PARVA: variants seen among roughly 807,000 people sequenced by gnomAD.
The protein encoded by PARVA is parvin alpha.
In PARVA, 25 loss-of-function variants were observed where a neutral mutation model predicts 52.6. The observed-to-expected ratio is 0.48, with a 90% CI of 0.35 to 0.66. The LOEUF (loss-of-function observed/expected upper bound fraction) is 0.66. Ranked by LOEUF, PARVA falls within the 30% of genes least tolerant of loss-of-function variation. The pLI is 0.01. For synonymous variants in PARVA, 185 were observed against 179.1 expected, an observed-to-expected ratio of 1.03 and a Z score of -0.26; for missense variants, 373 against 450.9, an observed-to-expected ratio of 0.83 and a Z score of 1.56.
chr11:12,495,355 C>A (rs1589979878), intron 4 of PARVA, among the ~76,000 whole-genome samples: 1 of 152,098 alleles, frequency 6.6e-6, no homozygotes, highest in East Asian at 1.9e-4. Context: ...TTAGATAAAC[C>A]ACAGTTACTT....
intron 1 of PARVA, among the ~76,000 whole-genome samples, chr11:12,428,535 C>T (rs1430981238): frequency 6.6e-6 from 1 of 152,200 alleles, no homozygotes; most frequent in East Asian, 1.9e-4. Context: ...ACCGCTGTAT[C>T]TAGATAGTAT....
At chr11:12,407,787 GC>G (rs1405931353) in intron 1 of PARVA, among the ~76,000 whole-genome samples, 2 of 152,208 alleles carry the variant, frequency 1.3e-5, no homozygotes, top group Non-Finnish European at 2.9e-5. Flanking sequence ...TGAGGACAGA[GC>G]CCTGACAGGT....
At chr11:12,405,448 C>T (rs1293801698) in intron 1 of PARVA, among the ~76,000 whole-genome samples, 2 of 152,016 alleles carry the variant, frequency 1.3e-5, no homozygotes, top group Admixed American at 6.5e-5. Flanking sequence ...GCCTATAATC[C>T]CAGCACTTTG....
chr11:12,379,307 C>T (rs1406432885), intron 1 of PARVA, among the ~76,000 whole-genome samples: 1 of 152,154 alleles, frequency 6.6e-6, no homozygotes, highest in Non-Finnish European at 1.5e-5. Flanking sequence ...GGGAATGCAG[C>T]CCAGTAGGTC....
chr11:12,409,590 G>A (rs1257247943), intron 1 of PARVA, among the ~76,000 whole-genome samples: 1 of 152,178 alleles, frequency 6.6e-6, no homozygotes, highest in Non-Finnish European at 1.5e-5. Flanking sequence ...CCATGAAGAT[G>A]TGACATCACT....
At chr11:12,505,335 G>T (rs554933682) in intron 6 of PARVA, among the ~76,000 whole-genome samples, 2 of 152,278 alleles carry the variant, frequency 1.3e-5, no homozygotes, top group Non-Finnish European at 2.9e-5. Context: ...TTGAGGGCTG[G>T]TAGACTTTGC....
At chr11:12,435,378 T>G (rs1940372893) in intron 1 of PARVA, among the ~76,000 whole-genome samples, 1 of 152,190 alleles carries the variant, frequency 6.6e-6, no homozygotes, top group Non-Finnish European at 1.5e-5. Context: ...GTACAGAGGG[T>G]TGACCATTCC....
Position 12,528,135 on chromosome 11 carries a change from C to T in PARVA, c.*210C>T, listed in dbSNP as rs115233696. 2.0e-3 allele frequency: 1,103 copies of T among 543,432 alleles called. 15 individuals carry two copies. The highest frequency in any genetic ancestry group is 0.019 in the African/African-American group (1,007 of 53,486). 33.7% of individuals were successfully genotyped at this position (543,432 alleles called of 1,614,324 possible). ...CCCATCCCTCCCAGGCGCTGGGGAC[C>T]AACCTAGCAATGAAGGTTGGGAAGG... On this transcript the variant is annotated 3_prime_UTR_variant, in exon 13 of 13. Coordinates refer to ENST00000334956, the MANE Select transcript of PARVA (RefSeq NM_018222.5).
In PARVA at chr11:12,517,788, A is replaced by G. The variant is rs1041635551; in HGVS notation, c.969+77A>G. ...ATGTGCCCACACCCATGCTGGGGCT[A>G]TCCAGAAAAAAGGCAGAAGCTTCCC... On this transcript the variant is annotated intron_variant, in intron 11 of 12. Coordinates refer to ENST00000334956, the MANE Select transcript of PARVA (RefSeq NM_018222.5). The G allele has an allele frequency of 2.9e-6, 3 of 1,025,904 alleles. No individual in the cohort carries two copies. The African/African-American group carries it at 4.8e-5, about 16-fold the overall frequency. The allele number at this position is 1,025,904 out of a possible 1,614,324, so 63.6% of individuals were successfully genotyped here.
chr11:12,484,025 A>G (rs1055350188), intron 4 of PARVA, among the ~76,000 whole-genome samples: 1 of 152,020 alleles, frequency 6.6e-6, no homozygotes, highest in African/African-American at 2.4e-5. Flanking sequence ...ATATACTCTT[A>G]CTCCATGGCA....
intron 1 of PARVA, among the ~76,000 whole-genome samples, chr11:12,434,552 TG>T (rs1276932844): frequency 6.6e-6 from 1 of 152,198 alleles, no homozygotes; most frequent in Admixed American, 6.5e-5. Context: ...CCATGGTTCA[TG>T]GCTTGGATCA....
At chr11:12,390,841 C>A (rs1346321736) in intron 1 of PARVA, among the ~76,000 whole-genome samples, 1 of 152,152 alleles carries the variant, frequency 6.6e-6, no homozygotes, top group Non-Finnish European at 1.5e-5. Flanking sequence ...GCAGCAGGAA[C>A]CAACAGTTTT....
rs1009377730 is a variant in PARVA at position 12,527,770 on chromosome 11, G to A, written c.1043-79G>A. 3 of 1,060,130 alleles carry A rather than the reference G, an allele frequency of 2.8e-6. No individual in the cohort carries two copies. In the African/African-American group the frequency reaches 4.7e-5, roughly 17 times the overall value. 65.7% of individuals were successfully genotyped at this position (1,060,130 alleles called of 1,614,324 possible). On this transcript the variant is annotated intron_variant, in intron 12 of 12. Coordinates refer to ENST00000334956, the MANE Select transcript of PARVA (RefSeq NM_018222.5). The stretch of plus-strand genomic sequence containing the variant: ...GGGTACATGGGATTGGGTGGTGGGT[G>A]GAAGGGAGGGGCAGTGTATGCCAGC...
intron 1 of PARVA, among the ~76,000 whole-genome samples, chr11:12,378,419 G>A (rs1349646043): frequency 6.6e-6 from 1 of 152,100 alleles, no homozygotes; most frequent in Non-Finnish European, 1.5e-5. Context: ...CAAACCTAGC[G>A]TGCCCTCGGT....
intron 6 of PARVA, 109 bp downstream of exon 6, chr11:12,504,538 T>G (rs2135068101): frequency 5.8e-6 from 4 of 687,320 alleles, no homozygotes; most frequent in East Asian, 5.4e-5. Context: ...GAATGTTGAG[T>G]GAGCCTGGGT....
intron 1 of PARVA, chr11:12,452,861 G>A (rs1940642858): frequency 2.8e-6 from 1 of 351,364 alleles, no homozygotes; most frequent in Non-Finnish European, 5.9e-6. Flanking sequence ...GTGCCGAGCA[G>A]GAGGCATTCT....
chr11:12,499,005 T>C (rs138495093), intron 5 of PARVA, among the ~76,000 whole-genome samples: 1 of 152,374 alleles, frequency 6.6e-6, no homozygotes, highest in African/African-American at 2.4e-5. Flanking sequence ...GATATCCCAC[T>C]GTTAACTTAA....
At chr11:12,501,304 GTATA>G (rs940698660) in intron 5 of PARVA, among the ~76,000 whole-genome samples, 8 of 151,756 alleles carry the variant, frequency 5.3e-5, no homozygotes, top group Admixed American at 3.3e-4. Flanking sequence ...ATACACATGT[GTATA>G]TAGATATATA....
At chr11:12,510,996 CTT>C (rs1338465724) in intron 7 of PARVA, among the ~76,000 whole-genome samples, 1 of 152,134 alleles carries the variant, frequency 6.6e-6, no homozygotes, top group African/African-American at 2.4e-5. Context: ...TTCCTGCACT[CTT>C]TGAGAAAACC....
Sources: allele counts gnomAD v4.1 joint callset (sites outside exome capture counted in the v4.1 genomes callset), GRCh38; gene constraint gnomAD v4.1.1; transcripts MANE v1.5; gene names NCBI Gene and HGNC (gene_info 2026-07-23, HGNC 2026-07-21).